PSMA6: variants seen among roughly 807,000 people sequenced by gnomAD.
PSMA6 encodes proteasome subunit alpha type-6.
For synonymous variants in PSMA6, 88 were observed against 97.7 expected (o/e 0.90, Z 0.59); for missense variants, 170 against 294.8 (o/e 0.58, Z 3.10).
upstream of PSMA6, among the ~76,000 whole-genome samples, chr14:35,289,762 A>AT (rs1441654968): frequency 8.6e-5 from 13 of 151,826 alleles, no homozygotes; most frequent in Admixed American, 2.6e-4. Context: ...TCTAAAAAAA[A>AT]TTTTTTTTAA....
intron 1 of PSMA6, among the ~76,000 whole-genome samples, chr14:35,306,090 G>A (rs1002124827): frequency 6.6e-5 from 10 of 151,932 alleles, no homozygotes; most frequent in Non-Finnish European, 1.0e-4. Flanking sequence ...TTAGCTGGGT[G>A]TGGTGGTATA....
intron 2 of PSMA6, chr14:35,308,643 G>C (rs1379762661): frequency 8.2e-6 from 3 of 367,078 alleles, no homozygotes; most frequent in Non-Finnish European, 1.5e-5. Context: ...TAAGTCTTTT[G>C]TCTTTGGGGA....
upstream of PSMA6, among the ~76,000 whole-genome samples, chr14:35,291,342 C>G (rs1019008939): frequency 1.3e-5 from 2 of 152,054 alleles, no homozygotes; most frequent in Non-Finnish European, 1.5e-5. Context: ...CTCAGCCTCC[C>G]AAGTATATGG....
chr14:35,278,943 A>G (rs1402164264), intron 1 of PSMA6, among the ~76,000 whole-genome samples: 1 of 152,060 alleles, frequency 6.6e-6, no homozygotes, highest in African/African-American at 2.4e-5. Flanking sequence ...TTTTCTATAC[A>G]TATATACTTA....
At chr14:35,308,887 A>T (rs1315517584) in intron 2 of PSMA6, 27 bp from the exon 3 acceptor site, 1 of 1,526,180 alleles carries the variant, frequency 6.6e-7, no homozygotes. Flanking sequence ...TTTTTAAAAA[A>T]TTATCTTTGT....
At chr14:35,303,602 T>G (rs1022642387) in intron 1 of PSMA6, among the ~76,000 whole-genome samples, 1 of 152,204 alleles carries the variant, frequency 6.6e-6, no homozygotes, top group African/African-American at 2.4e-5. Context: ...TTGTTTTGTT[T>G]AGAGTTAGTA....
intron 6 of PSMA6, chr14:35,316,397 A>AC (rs2052046682): frequency 6.6e-6 from 1 of 151,162 alleles, no homozygotes; most frequent in East Asian, 1.9e-4. Flanking sequence ...AAAAAAAAAA[A>AC]AAAAAAGAGA....
At chr14:35,307,020 C>T (rs1476286638) in intron 1 of PSMA6, among the ~76,000 whole-genome samples, 5 of 151,968 alleles carry the variant, frequency 3.3e-5, no homozygotes, top group Non-Finnish European at 5.9e-5. Flanking sequence ...TGGTGGTGTG[C>T]ACCTGTAATC....
rs10139984 is a variant in PSMA6, at chr14:35,285,317, G to C, written c.19+6599G>C. ...ATCGTGCCACTGCACTCTAGCCAGA[G>C]TGACAGAGCAAAACTCTATCTCAAA... On this transcript the variant is annotated intron_variant, in intron 1 of 6. Coordinates refer to the PSMA6 transcript ENST00000540871. Among the ~76,000 whole-genome samples the C allele has an allele frequency of 3.2e-3, 463 of 144,566 alleles. 2 individuals are homozygous for C. The highest frequency in any genetic ancestry group is 0.011 in the African/African-American group (403 of 37,350). The allele number at this position is 144,566 out of a possible 152,430, so 94.8% of individuals were successfully genotyped here. A position where few individuals can be genotyped will look rare whatever the true frequency, so the allele number is the denominator to read the frequency against.
chr14:35,305,090 T>C (rs114374814), intron 1 of PSMA6, among the ~76,000 whole-genome samples: 4,934 of 152,050 alleles, frequency 0.032, 235 homozygotes, highest in African/African-American at 0.11. Context: ...ATAATGATAA[T>C]AATGATAAAA....
At chr14:35,285,339 C>CAA (rs758651038) in intron 1 of PSMA6, among the ~76,000 whole-genome samples, 13,673 of 53,512 alleles carry the variant, frequency 0.26, 1,487 homozygotes, top group African/African-American at 0.43. Context: ...AACTCTATCT[C>CAA]AAAAAAAACA....
chr14:35,285,151 G>A (rs1186033434), intron 1 of PSMA6, among the ~76,000 whole-genome samples: 1 of 152,028 alleles, frequency 6.6e-6, no homozygotes, highest in Non-Finnish European at 1.5e-5. Context: ...TTCAAGACCA[G>A]CCTGGGCAAT....
chr14:35,287,111 A>G (rs17103166), intron 1 of PSMA6, among the ~76,000 whole-genome samples: 7,992 of 152,258 alleles, frequency 0.052, 474 homozygotes, highest in African/African-American at 0.15. Context: ...GTAGCCAACC[A>G]TAGCTACTGG....
intron 6 of PSMA6, chr14:35,314,947 ATGTGTGTGTGTGTGTGTGTGTG>A: frequency 7.1e-6 from 1 of 141,226 alleles, no homozygotes; most frequent in Admixed American, 7.2e-5. Flanking sequence ...CAGTTGCTGG[ATGTGTGTGTGTGTGTGTGTGTG>A]TGTGTGTGTG....
At chr14:35,281,487 C>A (rs570789036) in intron 1 of PSMA6, among the ~76,000 whole-genome samples, 1 of 152,294 alleles carries the variant, frequency 6.6e-6, no homozygotes, top group African/African-American at 2.4e-5. Flanking sequence ...AATGCCAGTT[C>A]TGATTCAGGT....
chr14:35,297,605 G>A (rs1268090830), intron 1 of PSMA6, among the ~76,000 whole-genome samples: 8 of 152,018 alleles, frequency 5.3e-5, no homozygotes, highest in Non-Finnish European at 1.2e-4. Flanking sequence ...TTTACATCCC[G>A]AAACTCTACA....
At chr14:35,280,793 CA>C (rs2051358664) in intron 1 of PSMA6, among the ~76,000 whole-genome samples, 1 of 151,218 alleles carries the variant, frequency 6.6e-6, no homozygotes, top group African/African-American at 2.4e-5. Flanking sequence ...TCACAGTGGT[CA>C]TAGCTCACTG....
In PSMA6 at chr14:35,312,594, C is replaced by T. The variant is rs143935483; in HGVS notation, c.410-287C>T. Reference sequence around the variant, plus strand: ...AAGGATTAGGGTTCAAATAAACATGCTTGGATAACAGCAAGGATTGGAAAC... The same window carrying T: ...AAGGATTAGGGTTCAAATAAACATGTTTGGATAACAGCAAGGATTGGAAAC... On this transcript the variant is annotated intron_variant, in intron 4 of 6. Transcript: ENST00000261479. 3.2e-3 allele frequency: 1,046 copies of T among 330,796 alleles called. 7 individuals are homozygous for T. The highest frequency in any genetic ancestry group is 0.021 in the African/African-American group (934 of 45,162). The allele number at this position is 330,796 out of a possible 1,614,324, so 20.5% of individuals were successfully genotyped here. A position where few individuals can be genotyped will look rare whatever the true frequency, so the allele number is the denominator to read the frequency against.
chr14:35,295,165 C>CT (rs1431429237), intron 1 of PSMA6, among the ~76,000 whole-genome samples: 1 of 152,004 alleles, frequency 6.6e-6, no homozygotes, highest in African/African-American at 2.4e-5. Context: ...TGGTGAAACT[C>CT]TGTCTCTACT....
Sources: allele counts gnomAD v4.1 joint callset (sites outside exome capture counted in the v4.1 genomes callset), GRCh38; gene constraint gnomAD v4.1.1; transcripts MANE v1.5; gene names NCBI Gene and HGNC (gene_info 2026-07-23, HGNC 2026-07-21).